The following CDC42BPB variants were observed in gnomAD, a reference collection of about 807,000 sequenced individuals.
The protein encoded by CDC42BPB is CDC42 binding protein kinase beta, also known as serine/threonine-protein kinase MRCK beta.
Under a neutral mutation model 214.9 loss-of-function variants are expected in CDC42BPB, and 37 were observed. That is an observed-to-expected ratio of 0.17 (90% CI 0.13 to 0.23). The LOEUF (loss-of-function observed/expected upper bound fraction) is 0.23, where lower values mean the gene tolerates loss of function less well. Ranked by LOEUF, CDC42BPB falls within the 10% of genes least tolerant of loss-of-function variation. CDC42BPB has a pLI of 1.00. For missense variants in CDC42BPB, 1,694 were observed against 2,227.0 expected (o/e 0.76, Z 4.82); for synonymous variants, 931 against 884.0 (o/e 1.05, Z -0.94).
At chr14:103,050,891 A>G (rs1391964596) in intron 1 of CDC42BPB, among the ~76,000 whole-genome samples, 1 of 152,198 alleles carries the variant, frequency 6.6e-6, no homozygotes, top group Non-Finnish European at 1.5e-5. Flanking sequence ...AAGACTCTCC[A>G]ATCCAAGGAC....
At chr14:103,055,859 C>A (rs1888918693) in intron 1 of CDC42BPB, among the ~76,000 whole-genome samples, 1 of 152,238 alleles carries the variant, frequency 6.6e-6, no homozygotes. Flanking sequence ...GCTTTATCAG[C>A]CCCAAAGATT....
At chr14:103,049,629 AGTAAATGC>A in intron 1 of CDC42BPB, among the ~76,000 whole-genome samples, 1 of 152,380 alleles carries the variant, frequency 6.6e-6, no homozygotes, top group Admixed American at 6.5e-5. Flanking sequence ...TCCAAAACTA[AGTAAATGC>A]ATTACATTGA....
At chr14:102,949,280 C>G (rs1892368108) in intron 26 of CDC42BPB, among the ~76,000 whole-genome samples, 1 of 152,190 alleles carries the variant, frequency 6.6e-6, no homozygotes, top group South Asian at 2.1e-4. Flanking sequence ...CCGCCTGCTC[C>G]TGCAGCTGAC....
In CDC42BPB at chr14:102,933,487, G is replaced by C. The variant is rs1445077159; in HGVS notation, c.*225C>G. On this transcript the variant is annotated 3_prime_UTR_variant, in exon 37 of 37. Coordinates refer to ENST00000361246, the MANE Select transcript of CDC42BPB (RefSeq NM_006035.4). ...TATGGGGGTCCTTCATGTGCAGATGGAACAGCATCGCCTCACAGCTGTGCA... is the reference window on the plus strand; with the variant it reads ...TATGGGGGTCCTTCATGTGCAGATGCAACAGCATCGCCTCACAGCTGTGCA... 2.4e-6 allele frequency: 1 copy of C among 419,188 alleles called. No individual in the cohort carries two copies. The highest frequency in any genetic ancestry group is 2.1e-5 in the African/African-American group (1 of 48,554). 26.0% of individuals were successfully genotyped at this position (419,188 alleles called of 1,614,324 possible).
At chr14:103,012,983 G>C (rs773354327) in intron 1 of CDC42BPB, among the ~76,000 whole-genome samples, 3 of 152,142 alleles carry the variant, frequency 2.0e-5, no homozygotes, top group Non-Finnish European at 4.4e-5. Context: ...TGTCATGTTC[G>C]CACAATGACA....
intron 2 of CDC42BPB, among the ~76,000 whole-genome samples, chr14:103,010,144 G>A (rs564168822): frequency 4.6e-5 from 7 of 152,230 alleles, no homozygotes; most frequent in South Asian, 4.1e-4. Context: ...AAAATTAGCC[G>A]GGCGTGGTGG....
At chr14:102,947,937 C>T (rs916767425) in intron 26 of CDC42BPB, 135 bp from the exon 27 acceptor site, 37 of 1,506,274 alleles carry the variant, frequency 2.5e-5, no homozygotes, top group Non-Finnish European at 1.5e-5. Flanking sequence ...TCCCTCGCCT[C>T]CCCAGATGTA....
In CDC42BPB at chr14:102,995,179, C is replaced by CT. The variant is rs952254612; in HGVS notation, c.596+4385dup. On this transcript the variant is annotated intron_variant, in intron 5 of 36. Transcript: ENST00000361246. ...GGGATGTGATGTTCTCTCTCTCTCT[C>CT]TTTTTTTTTTTTGAGACAGAGTATC... is the stretch of plus-strand genomic sequence containing the variant. Among the ~76,000 whole-genome samples the CT allele has an allele frequency of 9.0e-3, 1,317 of 145,642 alleles. 9 individuals carry two copies. Among genetic ancestry groups the CT allele is most frequent in the Non-Finnish European group, 0.011 (751 of 66,210 alleles).
Position 102,974,049 on chromosome 14 carries a change from G to A in CDC42BPB, c.1608C>T (p.Arg536=), listed in dbSNP as rs35381127. ...QRLRGLEKQH[R]VVRQEKEELH... is the part of the protein sequence containing the mutation. ...GCTCCTCCTTCTCCTGCCGGACCAC[G>A]CGGTGCTGCTTCTCCAGCCCCCGCA... is the stretch of plus-strand genomic sequence containing the variant. Residue 536 remains arginine (R), a synonymous_variant, in exon 12 of 37, where the codon CGC becomes CGT. Coordinates refer to ENST00000361246, the MANE Select transcript of CDC42BPB (RefSeq NM_006035.4). 8.4e-5 allele frequency: 136 copies of A among 1,612,988 alleles called. No homozygotes were observed. Among genetic ancestry groups the A allele is most frequent in the Middle Eastern group, 6.6e-4 (4 of 6,058 alleles).
chr14:102,973,248 C>T (rs1893567290), intron 12 of CDC42BPB, among the ~76,000 whole-genome samples: 1 of 152,230 alleles, frequency 6.6e-6, no homozygotes, highest in Non-Finnish European at 1.5e-5. Context: ...CTAGACAAAT[C>T]ACTCACGTGG....
At chr14:103,053,716 C>T (rs1337441263) in intron 1 of CDC42BPB, among the ~76,000 whole-genome samples, 2 of 151,174 alleles carry the variant, frequency 1.3e-5, no homozygotes, top group African/African-American at 2.4e-5. Flanking sequence ...GAGCCGAGAT[C>T]CCGCCACTGC....
chr14:102,961,309 A>G (rs1892947261), intron 20 of CDC42BPB, among the ~76,000 whole-genome samples: 1 of 152,018 alleles, frequency 6.6e-6, no homozygotes, highest in Non-Finnish European at 1.5e-5. Flanking sequence ...TGAAAACTTG[A>G]CACACAAAAA....
Position 102,954,595 on chromosome 14 carries a change from G to A in CDC42BPB, c.2988+7C>T. 3.1e-6 allele frequency: 5 copies of A among 1,611,516 alleles called. No homozygotes were observed. Among genetic ancestry groups the A allele is most frequent in the African/African-American group, 1.3e-5 (1 of 75,014 alleles). Reference sequence around the variant, plus strand: ...GTGGGAGCATCACCAGGGCAACGCTGTCTCACCTCCTGCTGCTCTGATGCA... The same window carrying A: ...GTGGGAGCATCACCAGGGCAACGCTATCTCACCTCCTGCTGCTCTGATGCA... On this transcript the variant is annotated splice_region_variant and intron_variant, in intron 22 of 36. Transcript: ENST00000361246.
At chr14:103,037,336 A>G (rs1292706599) in intron 1 of CDC42BPB, among the ~76,000 whole-genome samples, 1 of 152,016 alleles carries the variant, frequency 6.6e-6, no homozygotes, top group Non-Finnish European at 1.5e-5. Flanking sequence ...TGTGTCACCC[A>G]GGCTGGAGTA....
intron 24 of CDC42BPB, among the ~76,000 whole-genome samples, chr14:102,951,800 GA>G (rs1401162276): frequency 6.6e-6 from 1 of 151,436 alleles, no homozygotes; most frequent in Admixed American, 6.6e-5. Flanking sequence ...AAAAGAAATA[GA>G]AAAAAAGAAA....
rs1228860488 is a variant in CDC42BPB, at chr14:103,002,965, G to A, written c.447+963C>T. On this transcript the variant is annotated intron_variant, in intron 4 of 36. Transcript: ENST00000361246. Reference sequence around the variant, plus strand: ...GATGCTTCAAGGGCTCCTTTAGGGTGAATGGAAGGATCCCACACTACTCCA... The same window carrying A: ...GATGCTTCAAGGGCTCCTTTAGGGTAAATGGAAGGATCCCACACTACTCCA... Among the ~76,000 whole-genome samples the A allele has an allele frequency of 6.6e-5, 10 of 152,272 alleles. No homozygotes were observed. The East Asian group carries it at 1.9e-3, about 29-fold the overall frequency.
At chr14:102,949,157 G>C in intron 26 of CDC42BPB, among the ~76,000 whole-genome samples, 1 of 152,220 alleles carries the variant, frequency 6.6e-6, no homozygotes, top group Admixed American at 6.5e-5. Flanking sequence ...GCCTCTTAGT[G>C]ATGCGTTTAC....
chr14:102,949,960 C>T, intron 25 of CDC42BPB, 56 bp from the exon 26 acceptor site: 1 of 1,600,346 alleles, frequency 6.2e-7, no homozygotes, highest in South Asian at 1.1e-5. Context: ...GGCCGCCAGG[C>T]CCCATTACAC....
intron 12 of CDC42BPB, among the ~76,000 whole-genome samples, chr14:102,973,528 T>A (rs1893580264): frequency 6.6e-6 from 1 of 152,128 alleles, no homozygotes; most frequent in Admixed American, 6.5e-5. Flanking sequence ...TTACTAAGGG[T>A]CCCCTTCTAA....
Sources: allele counts gnomAD v4.1 joint callset (sites outside exome capture counted in the v4.1 genomes callset), GRCh38; gene constraint gnomAD v4.1.1; transcripts MANE v1.5; gene names NCBI Gene and HGNC (gene_info 2026-07-23, HGNC 2026-07-21).